The following ETV1 variants were observed in gnomAD, a reference collection of about 807,000 sequenced individuals.
ETV1 encodes the protein ETS translocation variant 1.
Under a neutral mutation model 62.3 loss-of-function variants are expected in ETV1, and 27 were observed. That is an observed-to-expected ratio of 0.43 (90% CI 0.32 to 0.60). The LOEUF (loss-of-function observed/expected upper bound fraction) is 0.60. ETV1 is among the 20% of genes least tolerant of loss of function. The pLI is 0.06. For missense variants in ETV1, 605 were observed against 605.8 expected, an observed-to-expected ratio of 1.00 and a Z score of 0.01; for synonymous variants, 222 against 199.6, an observed-to-expected ratio of 1.11 and a Z score of -0.94.
intron 6 of ETV1, among the ~76,000 whole-genome samples, chr7:13,963,467 C>A (rs1168680059): frequency 6.7e-6 from 1 of 150,210 alleles, no homozygotes; most frequent in Non-Finnish European, 1.5e-5. Context: ...GTGTGTTTTA[C>A]TATATTCACA....
At chr7:13,951,467 T>C (rs902983829) in intron 6 of ETV1, among the ~76,000 whole-genome samples, 51 of 152,178 alleles carry the variant, frequency 3.4e-4, no homozygotes, top group African/African-American at 1.2e-3. Context: ...GAGTTTCCGA[T>C]AGGACTAAGG....
rs1414321011 is a variant in ETV1 at position 13,891,249 on chromosome 7, A to T, written c.*4617T>A. 2 of 224,070 alleles carry T rather than the reference A, an allele frequency of 8.9e-6. No homozygotes were observed. Among genetic ancestry groups the T allele is most frequent in the East Asian group, 1.3e-4 (2 of 15,174 alleles). 13.9% of individuals were successfully genotyped at this position (224,070 alleles called of 1,614,324 possible). A position where few individuals can be genotyped will look rare whatever the true frequency, so the allele number is the denominator to read the frequency against. On this transcript the variant is annotated 3_prime_UTR_variant, in exon 14 of 14. Transcript: ENST00000430479. Reference sequence around the variant, plus strand: ...CAATATTTTCAGTTTCTGGGCTTTTATTTTAGATTTAAATTTTGAGCATAT... The same window carrying T: ...CAATATTTTCAGTTTCTGGGCTTTTTTTTTAGATTTAAATTTTGAGCATAT...
intron 6 of ETV1, among the ~76,000 whole-genome samples, chr7:13,963,965 AG>A (rs1262516934): frequency 6.6e-6 from 1 of 152,218 alleles, no homozygotes; most frequent in Non-Finnish European, 1.5e-5. Context: ...AAAGGAAAAC[AG>A]GGATTGATTT....
chr7:13,986,614 C>G (rs1185546504), intron 5 of ETV1, 24 bp downstream of exon 5: 6 of 1,610,694 alleles, frequency 3.7e-6, no homozygotes, highest in Non-Finnish European at 5.1e-6. Flanking sequence ...GCTTTCCCCC[C>G]TTTTAAAGCA....
intron 12 of ETV1, among the ~76,000 whole-genome samples, chr7:13,905,474 T>C (rs988412726): frequency 1.3e-5 from 2 of 152,208 alleles, no homozygotes; most frequent in Non-Finnish European, 2.9e-5. Flanking sequence ...AAAGTATCTT[T>C]AGTAATGAAG....
rs531167169 is a variant in ETV1 at position 13,935,820 on chromosome 7, G to T, written c.442C>A (p.Leu148Met). ...PTPSSTPVSP[L>M]HHASPNSTHT... ...GTTGAGTTTGGAGATGCATGATGCA[G>T]TGGGGACACTGGCGTGCTGGATGGT... Residue 148 changes from leucine (L) to methionine (M), a missense_variant, in exon 8 of 14, where the codon CTG (leucine) becomes ATG (methionine). Physicochemically the swap from Leu to Met is conservative, Grantham distance 15. Coordinates refer to ENST00000430479, the MANE Select transcript of ETV1 (RefSeq NM_004956.5). 1 of 1,613,984 alleles carries T rather than the reference G, an allele frequency of 6.2e-7. No individual in the cohort carries two copies. Among genetic ancestry groups the T allele is most frequent in the African/African-American group, 1.3e-5 (1 of 75,056 alleles).
chr7:13,942,991 A>G (rs111486752), intron 6 of ETV1, among the ~76,000 whole-genome samples: 2,667 of 152,294 alleles, frequency 0.018, 43 homozygotes, highest in Non-Finnish European at 0.021. Context: ...ATTAGGCTTC[A>G]ATGAAATTAA....
At chr7:13,986,992 G>C (rs967282369) in intron 4 of ETV1, 1 of 284,622 alleles carries the variant, frequency 3.5e-6, no homozygotes. Flanking sequence ...AAAAGGCTGA[G>C]GTGAATATGT....
At chr7:13,963,338 G>T (rs1790404837) in intron 6 of ETV1, among the ~76,000 whole-genome samples, 1 of 151,974 alleles carries the variant, frequency 6.6e-6, no homozygotes, top group Non-Finnish European at 1.5e-5. Flanking sequence ...AGGACAAGCT[G>T]CATGTTACCA....
At chr7:13,904,496 G>C (rs192499257) in intron 12 of ETV1, among the ~76,000 whole-genome samples, 1 of 152,144 alleles carries the variant, frequency 6.6e-6, no homozygotes, top group African/African-American at 2.4e-5. Flanking sequence ...CATCATAAAA[G>C]TCAACAGTTG....
rs752193835 is a variant in ETV1, at chr7:13,931,604, G to C, written c.700C>G (p.Pro234Ala). ...PQGFKQEYHD[P>A]VYEHNTMVGS... ...ACCATGGTGTTGTGTTCATACACTGGGTCGTGGTACTCCTGCTTAAAGCCT... is the reference window on the plus strand; with the variant it reads ...ACCATGGTGTTGTGTTCATACACTGCGTCGTGGTACTCCTGCTTAAAGCCT... Residue 234 changes from proline (P) to alanine (A), a missense_variant, in exon 9 of 14, where the codon CCA becomes GCA. Pro to Ala is a conservative substitution (Grantham distance 27). Coordinates refer to ENST00000430479, the MANE Select transcript of ETV1 (RefSeq NM_004956.5). 14 of 1,613,922 alleles carry C rather than the reference G, an allele frequency of 8.7e-6. No homozygotes were observed. In the South Asian group the frequency reaches 1.2e-4, roughly 14 times the overall value.
intron 6 of ETV1, among the ~76,000 whole-genome samples, chr7:13,952,031 C>T (rs1788876818): frequency 6.6e-6 from 1 of 151,060 alleles, no homozygotes; most frequent in African/African-American, 2.5e-5. Flanking sequence ...TATCAGTCAA[C>T]TACACACTAA....
intron 9 of ETV1, among the ~76,000 whole-genome samples, chr7:13,912,647 TTACTATTTATACTC>T: frequency 6.6e-6 from 1 of 152,360 alleles, no homozygotes; most frequent in East Asian, 1.9e-4. Flanking sequence ...CCAATTGCTG[TTACTATTTATACTC>T]TAGTGTAAAT....
At chr7:13,934,532 C>T (rs537989037) in intron 8 of ETV1, among the ~76,000 whole-genome samples, 13 of 152,342 alleles carry the variant, frequency 8.5e-5, no homozygotes, top group Middle Eastern at 3.4e-3. Flanking sequence ...CCAGTTTGCA[C>T]TGACTTATTG....
chr7:13,945,331 A>G (rs184362649), intron 6 of ETV1, among the ~76,000 whole-genome samples: 1 of 152,248 alleles, frequency 6.6e-6, no homozygotes. Flanking sequence ...TTAGATGCCA[A>G]CGCTCAAGGA....
chr7:13,900,468 A>G, intron 13 of ETV1: 1 of 337,034 alleles, frequency 3.0e-6, no homozygotes, highest in Non-Finnish European at 5.3e-6. Flanking sequence ...TGTGCTATTA[A>G]TACTAAAACA....
rs61474076 is a variant in ETV1, at chr7:13,979,649, A to T, written c.182-2169T>A. Among the ~76,000 whole-genome samples the T allele has an allele frequency of 7.4e-3, 1,120 of 152,242 alleles. 12 individuals carry two copies. Among genetic ancestry groups the T allele is most frequent in the African/African-American group, 0.025 (1,055 of 41,556 alleles). ...TGGTTTTCCCTCAGAATTAACAGCTAAACAGATATAACTATTGAGATGCAA... is the reference window on the plus strand; with the variant it reads ...TGGTTTTCCCTCAGAATTAACAGCTTAACAGATATAACTATTGAGATGCAA... On this transcript the variant is annotated intron_variant, in intron 5 of 13. Coordinates refer to ENST00000430479, the MANE Select transcript of ETV1 (RefSeq NM_004956.5).
At chr7:13,907,302 C>T (rs943878689) in intron 11 of ETV1, among the ~76,000 whole-genome samples, 1 of 152,034 alleles carries the variant, frequency 6.6e-6, no homozygotes, top group African/African-American at 2.4e-5. Context: ...TCTCATTTTT[C>T]TTTATCTCTT....
intron 6 of ETV1, among the ~76,000 whole-genome samples, chr7:13,946,307 A>G (rs551175391): frequency 1.5e-4 from 23 of 152,316 alleles, no homozygotes; most frequent in African/African-American, 5.5e-4. Flanking sequence ...AGAACACTCA[A>G]GAGATGTGTC....
Sources: gnomAD v4.1 joint callset for allele counts (sites outside exome capture counted in the v4.1 genomes callset) on GRCh38, gnomAD v4.1.1 for gene constraint, MANE v1.5 for transcripts, NCBI Gene and HGNC (gene_info 2026-07-23, HGNC 2026-07-21) for gene names.